Variants in PPP2R2C observed in about 807,000 individuals in gnomAD.
The protein encoded by PPP2R2C is protein phosphatase 2 regulatory subunit Bgamma.
Under a neutral mutation model 45.3 loss-of-function variants are expected in PPP2R2C, and 10 were observed. That is an observed-to-expected ratio of 0.22 (90% CI 0.14 to 0.37). The LOEUF (loss-of-function observed/expected upper bound fraction) is 0.37. Ranked by LOEUF, PPP2R2C falls within the 10% of genes least tolerant of loss-of-function variation. The probability of loss-of-function intolerance (pLI) is 1.00; values close to 1 mark genes in which losing one functional copy is unlikely to be tolerated. For missense variants in PPP2R2C, 308 were observed against 619.7 expected, an observed-to-expected ratio of 0.50 and a Z score of 5.34; for synonymous variants, 257 against 245.4, an observed-to-expected ratio of 1.05 and a Z score of -0.44.
At chr4:6,325,290 T>G (rs1010319884) in intron 8 of PPP2R2C, among the ~76,000 whole-genome samples, 2 of 152,192 alleles carry the variant, frequency 1.3e-5, no homozygotes, top group African/African-American at 4.8e-5. Flanking sequence ...TGCTTCTTGT[T>G]ATTTACCAGG....
At chr4:6,481,023 G>T (rs2108778391) in intron 2 of PPP2R2C, among the ~76,000 whole-genome samples, 1 of 152,290 alleles carries the variant, frequency 6.6e-6, no homozygotes, top group East Asian at 1.9e-4. Flanking sequence ...TGGCTTCCCA[G>T]AGCTTTTGAT....
In PPP2R2C at chr4:6,323,273, G is replaced by A; in HGVS notation, c.*29C>T. 6.4e-7 allele frequency: 1 copy of A among 1,564,266 alleles called. No homozygotes were observed. The highest frequency in any genetic ancestry group is 1.2e-5 in the South Asian group (1 of 83,984). On this transcript the variant is annotated 3_prime_UTR_variant, in exon 9 of 9. Transcript: ENST00000382599. ...TGTCGGGGATGACTTGCATGAGGCT[G>A]GGTGGCAGGGGCCGGGAACTGCACA...
In PPP2R2C at chr4:6,337,433, C is replaced by T. The variant is rs185055840; in HGVS notation, c.791-3702G>A. Among the ~76,000 whole-genome samples the T allele has an allele frequency of 3.9e-3, 595 of 151,982 alleles. 17 individuals carry two copies. The highest frequency in any genetic ancestry group is 0.032 in the Admixed American group (488 of 15,274). The stretch of plus-strand genomic sequence containing the variant: ...CCCCAGCACCTGCCCAGGTGAGTGG[C>T]GGGAACCCTGTCTGGCCTGAACTAG... On this transcript the variant is annotated intron_variant, in intron 6 of 8. Transcript: ENST00000382599.
chr4:6,322,942 C>T lies in PPP2R2C; in HGVS notation c.*360G>A, dbSNP rs551627211. 2.3e-4 allele frequency: 40 copies of T among 175,436 alleles called. No homozygotes were observed. Among genetic ancestry groups the T allele is most frequent in the Non-Finnish European group, 2.9e-4 (24 of 83,518 alleles). The allele number at this position is 175,436 out of a possible 1,614,324, so 10.9% of individuals were successfully genotyped here. A position where few individuals can be genotyped will look rare whatever the true frequency, so the allele number is the denominator to read the frequency against. On this transcript the variant is annotated 3_prime_UTR_variant, in exon 9 of 9. Coordinates refer to ENST00000382599, the MANE Select transcript of PPP2R2C (RefSeq NM_020416.4). This position sits in a 1 kb window ranked among gnomAD's most constrained non-coding sequence, Gnocchi z 7.8. ...GACGCACTGGAGTGAAAAATTAACC[C>T]GGACGCATAAAAAGTCCTATTGATG...
In PPP2R2C at chr4:6,472,473, G is replaced by C. The variant is rs1721961023; in HGVS notation, c.-244C>G. On this transcript the variant is annotated 5_prime_UTR_variant, in exon 1 of 9. Transcript: ENST00000382599. ...GGTTCGGGCGGGCCGGGGCCCAGGC[G>C]CGCATCCCGGCCGGCCCGTGCGCGC... The C allele has an allele frequency of 3.9e-6, 1 of 253,874 alleles. No individual in the cohort carries two copies. The highest frequency in any genetic ancestry group is 1.4e-4 in the South Asian group (1 of 6,944). 15.7% of individuals were successfully genotyped at this position (253,874 alleles called of 1,614,324 possible).
intron 2 of PPP2R2C, among the ~76,000 whole-genome samples, chr4:6,520,952 T>A (rs114661118): frequency 0.021 from 3,208 of 152,340 alleles, 51 homozygotes; most frequent in Middle Eastern, 0.041. Flanking sequence ...ATTGTTCTTG[T>A]TAATTATCAC....
chr4:6,446,356 C>A (rs1056903424), intron 1 of PPP2R2C, among the ~76,000 whole-genome samples: 4 of 152,214 alleles, frequency 2.6e-5, no homozygotes, highest in South Asian at 2.1e-4. Context: ...AGCTTCCCAC[C>A]CCCATCGAGG....
chr4:6,382,197 C>T, intron 1 of PPP2R2C: 1 of 1,194,064 alleles, frequency 8.4e-7, no homozygotes, highest in South Asian at 1.6e-5. Context: ...TCTAGAATAC[C>T]ATCCCCATAG....
chr4:6,407,220 C>T (rs1447302162), intron 1 of PPP2R2C, among the ~76,000 whole-genome samples: 2 of 152,220 alleles, frequency 1.3e-5, no homozygotes, highest in Non-Finnish European at 2.9e-5. Flanking sequence ...AAGAAACAAG[C>T]TCCTTAATCA....
intron 2 of PPP2R2C, among the ~76,000 whole-genome samples, chr4:6,519,384 T>C (rs952310194): frequency 6.6e-6 from 1 of 152,162 alleles, no homozygotes; most frequent in Non-Finnish European, 1.5e-5. Context: ...CCAGGCCCCA[T>C]GCTTTTGAGA....
At chr4:6,537,162 C>T (rs1391165119) in intron 1 of PPP2R2C, among the ~76,000 whole-genome samples, 2 of 151,874 alleles carry the variant, frequency 1.3e-5, no homozygotes, top group African/African-American at 4.8e-5. Context: ...GAGATCGCTG[C>T]AGTGCACTCC....
At chr4:6,495,966 CT>C (rs1267948081) in intron 2 of PPP2R2C, among the ~76,000 whole-genome samples, 1 of 152,192 alleles carries the variant, frequency 6.6e-6, no homozygotes, top group Non-Finnish European at 1.5e-5. Context: ...CCAGGGCCCC[CT>C]CCCGGCTCTC....
At chr4:6,444,451 C>G (rs1483223377) in intron 1 of PPP2R2C, among the ~76,000 whole-genome samples, 1 of 152,160 alleles carries the variant, frequency 6.6e-6, no homozygotes, top group African/African-American at 2.4e-5. Context: ...CCCCAGATCC[C>G]CTGGATATTA....
intron 1 of PPP2R2C, among the ~76,000 whole-genome samples, chr4:6,386,944 G>A (rs936169969): frequency 1.3e-5 from 2 of 151,816 alleles, no homozygotes; most frequent in Non-Finnish European, 2.9e-5. Context: ...CCATGTCTGA[G>A]ACAGAAAAAA....
intron 1 of PPP2R2C, among the ~76,000 whole-genome samples, chr4:6,453,822 G>A (rs7691387): frequency 0.12 from 18,432 of 152,144 alleles, 1,510 homozygotes; most frequent in East Asian, 0.36. Context: ...CAGCCCCACC[G>A]AGGGCCACGT....
At chr4:6,503,511 G>A (rs918708305) in intron 2 of PPP2R2C, among the ~76,000 whole-genome samples, 14 of 152,118 alleles carry the variant, frequency 9.2e-5, no homozygotes, top group African/African-American at 3.4e-4. Flanking sequence ...TCTATTTACT[G>A]TATGTGTTTT....
rs139184496 is a variant in PPP2R2C, at chr4:6,364,956, A to G, written c.625+7567T>C. Among the ~76,000 whole-genome samples the G allele has an allele frequency of 6.6e-6, 1 of 152,222 alleles. No individual in the cohort carries two copies. Among genetic ancestry groups the G allele is most frequent in the African/African-American group, 2.4e-5 (1 of 41,456 alleles). ...GCTCACCTAGAAAGTTCACCTGGAT[A>G]GCATCAGGATCCCCATTCACTCAGA... On this transcript the variant is annotated intron_variant, in intron 5 of 8. Transcript: ENST00000382599. The surrounding 1 kb of genome is among the most constrained non-coding windows in gnomAD (Gnocchi z 5.3).
At chr4:6,433,863 C>A (rs866130691) in intron 1 of PPP2R2C, among the ~76,000 whole-genome samples, 2 of 152,174 alleles carry the variant, frequency 1.3e-5, no homozygotes, top group African/African-American at 4.8e-5. Flanking sequence ...GGTTCGAACT[C>A]GAACAGCTGA....
intron 1 of PPP2R2C, among the ~76,000 whole-genome samples, chr4:6,397,533 A>C (rs1717122555): frequency 2.4e-5 from 2 of 82,704 alleles, no homozygotes; most frequent in Admixed American, 2.2e-4. Context: ...GGCCTCATGC[A>C]AGAGCCTCTT....
Sources: allele counts gnomAD v4.1 joint callset (sites outside exome capture counted in the v4.1 genomes callset), GRCh38; gene constraint gnomAD v4.1.1; non-coding constraint Gnocchi (gnomAD v3.1); transcripts MANE v1.5; gene names NCBI Gene and HGNC (gene_info 2026-07-23, HGNC 2026-07-21).